The following MGMT variants were observed in gnomAD, a reference collection of about 807,000 sequenced individuals.
MGMT encodes the protein O-6-methylguanine-DNA methyltransferase.
A neutral mutation model predicts 15.9 loss-of-function variants in MGMT; 14 were observed. The ratio of observed to expected loss-of-function variants is 0.88; its 90% confidence interval spans 0.58 to 1.37. The LOEUF is 1.37. Ranked by LOEUF, MGMT falls within the 40% of genes most tolerant of loss-of-function variation. The pLI is 0.00. For synonymous variants in MGMT, 130 were observed against 118.2 expected, an observed-to-expected ratio of 1.10 and a Z score of -0.65; for missense variants, 282 against 268.1, an observed-to-expected ratio of 1.05 and a Z score of -0.36.
At chr10:129,750,458 A>C (rs886321558) in intron 3 of MGMT, among the ~76,000 whole-genome samples, 2 of 150,830 alleles carry the variant, frequency 1.3e-5, no homozygotes, top group African/African-American at 4.8e-5. Flanking sequence ...TTCCACATCC[A>C]TGTATTCAAC....
intron 3 of MGMT, among the ~76,000 whole-genome samples, chr10:129,714,361 T>G (rs749654947): frequency 6.6e-6 from 1 of 152,260 alleles, no homozygotes; most frequent in Non-Finnish European, 1.5e-5. Context: ...GCAATTGTCA[T>G]GAGTACTTTC....
At chr10:129,638,248 T>C (rs1347049070) in intron 2 of MGMT, among the ~76,000 whole-genome samples, 1 of 152,008 alleles carries the variant, frequency 6.6e-6, no homozygotes, top group Non-Finnish European at 1.5e-5. Flanking sequence ...AGAGGTGGGC[T>C]ACTTATCTTG....
At chr10:129,593,843 T>G (rs894988370) in intron 2 of MGMT, among the ~76,000 whole-genome samples, 2 of 152,090 alleles carry the variant, frequency 1.3e-5, no homozygotes, top group African/African-American at 4.8e-5. Flanking sequence ...CAGTGCTCAG[T>G]GAATCCACGC....
At position 129,738,530 on chromosome 10, in the gene MGMT, T is replaced by C. The variant is rs1419373597; in HGVS notation, c.275-20672T>C. Among the ~76,000 whole-genome samples, 5 of 152,232 alleles carry C rather than the reference T, an allele frequency of 3.3e-5. No homozygotes were observed. In the East Asian group the frequency reaches 9.6e-4, roughly 29 times the overall value. On this transcript the variant is annotated intron_variant, in intron 3 of 4. Transcript: ENST00000651593. The stretch of plus-strand genomic sequence containing the variant: ...CACCCATCTTCTGCGTCGCTCACAC[T>C]GGGAGCTGTAGACCAGAGCTGTTCC...
chr10:129,551,865 C>T (rs1846161444), intron 2 of MGMT, among the ~76,000 whole-genome samples: 1 of 152,136 alleles, frequency 6.6e-6, no homozygotes, highest in East Asian at 1.9e-4. Flanking sequence ...GGGCACCCCT[C>T]GCTGTCCAAG....
chr10:129,646,666 G>A (rs1397039092), intron 2 of MGMT, among the ~76,000 whole-genome samples: 1 of 145,842 alleles, frequency 6.9e-6, no homozygotes, highest in Non-Finnish European at 1.5e-5. Context: ...ACAGCATTAT[G>A]GGGAATGCAA....
chr10:129,496,000 G>A (rs566202418), intron 1 of MGMT, among the ~76,000 whole-genome samples: 1 of 152,286 alleles, frequency 6.6e-6, no homozygotes, highest in East Asian at 1.9e-4. Context: ...TGCGGCTGGG[G>A]ACTGGCACTC....
In MGMT at chr10:129,483,266, C is replaced by T. The variant is rs576050975; in HGVS notation, c.-13+15970C>T. Among the ~76,000 whole-genome samples the T allele has an allele frequency of 2.2e-4, 34 of 152,274 alleles. 1 individual carries two copies. The East Asian group carries it at 2.7e-3, about 12-fold the overall frequency. ...TAATATTCTCCAATATATAGAGTTA[C>T]TATTTTTATGTTGGGCAATCAGTTT... On this transcript the variant is annotated intron_variant, in intron 1 of 4. Coordinates refer to ENST00000651593, the MANE Select transcript of MGMT (RefSeq NM_002412.5).
Position 129,478,887 on chromosome 10 carries a change from A to G in MGMT, c.-13+11591A>G, listed in dbSNP as rs1295947253. 2.0e-5 allele frequency among the ~76,000 whole-genome samples: 3 copies of G among 149,446 alleles called. No homozygotes were observed. The East Asian group carries it at 5.9e-4, about 29-fold the overall frequency. ...TTTATTTATTTATTTACTTATTAGCACAGCTTGTTTGTTGTTCAGTTCCAT... is the reference window on the plus strand; with the variant it reads ...TTTATTTATTTATTTACTTATTAGCGCAGCTTGTTTGTTGTTCAGTTCCAT... On this transcript the variant is annotated intron_variant, in intron 1 of 4. Coordinates refer to ENST00000651593, the MANE Select transcript of MGMT (RefSeq NM_002412.5).
At chr10:129,675,635 G>A (rs1277995716) in intron 2 of MGMT, among the ~76,000 whole-genome samples, 2 of 152,106 alleles carry the variant, frequency 1.3e-5, no homozygotes, top group African/African-American at 4.8e-5. Flanking sequence ...GGAACCAGTG[G>A]GTCGGATCCG....
chr10:129,750,093 T>C (rs1848736504), intron 3 of MGMT, among the ~76,000 whole-genome samples: 1 of 152,096 alleles, frequency 6.6e-6, no homozygotes, highest in Non-Finnish European at 1.5e-5. Context: ...CTCAGCATCT[T>C]TTGTAGTAAA....
chr10:129,652,833 C>G (rs775736529), intron 2 of MGMT, among the ~76,000 whole-genome samples: 1 of 152,228 alleles, frequency 6.6e-6, no homozygotes, highest in Non-Finnish European at 1.5e-5. Flanking sequence ...CAAGCGTGCC[C>G]GTGCACCCAT....
intron 3 of MGMT, 94 bp downstream of exon 3, chr10:129,708,137 T>G: frequency 6.8e-7 from 1 of 1,475,736 alleles, no homozygotes; most frequent in Non-Finnish European, 9.1e-7. Flanking sequence ...GTATACCAAC[T>G]TGGTATTTTT....
intron 3 of MGMT, among the ~76,000 whole-genome samples, chr10:129,708,519 G>A (rs983287165): frequency 4.6e-5 from 7 of 152,164 alleles, no homozygotes; most frequent in South Asian, 2.1e-4. Context: ...TTTCTCAAAC[G>A]TACCAGAGTT....
intron 2 of MGMT, among the ~76,000 whole-genome samples, chr10:129,576,536 C>G (rs969103585): frequency 1.3e-5 from 2 of 152,148 alleles, no homozygotes; most frequent in African/African-American, 4.8e-5. Context: ...GGACGTATCT[C>G]AAAATAATAA....
chr10:129,593,567 G>C (rs544226639), intron 2 of MGMT, among the ~76,000 whole-genome samples: 8 of 152,282 alleles, frequency 5.3e-5, no homozygotes, highest in African/African-American at 1.9e-4. Context: ...GTCATATCAC[G>C]TCCCCTTCTG....
At chr10:129,475,026 T>C (rs758011492) in intron 1 of MGMT, among the ~76,000 whole-genome samples, 2 of 151,704 alleles carry the variant, frequency 1.3e-5, no homozygotes, top group Non-Finnish European at 2.9e-5. Flanking sequence ...GGGAGCTTGG[T>C]AAGTGGTTGA....
intron 2 of MGMT, among the ~76,000 whole-genome samples, chr10:129,669,171 T>A (rs959113197): frequency 3.3e-5 from 5 of 152,168 alleles, no homozygotes; most frequent in Admixed American, 2.6e-4. Flanking sequence ...TTTGTTTTTT[T>A]AAAAATCAAC....
intron 2 of MGMT, among the ~76,000 whole-genome samples, chr10:129,548,200 T>C (rs4751099): frequency 0.23 from 35,314 of 152,198 alleles, 4,787 homozygotes; most frequent in Non-Finnish European, 0.31. Flanking sequence ...GTCTCTCAAA[T>C]AGAAAAATGG....
Sources: allele counts gnomAD v4.1 joint callset (sites outside exome capture counted in the v4.1 genomes callset), GRCh38; gene constraint gnomAD v4.1.1; transcripts MANE v1.5; gene names NCBI Gene and HGNC (gene_info 2026-07-23, HGNC 2026-07-21).